Variants in CACNA1C observed in about 807,000 individuals in gnomAD.
The protein encoded by CACNA1C is voltage-dependent L-type calcium channel subunit alpha-1C.
Under a neutral mutation model 229.0 loss-of-function variants are expected in CACNA1C, and 30 were observed. That is an observed-to-expected ratio of 0.13 (90% CI 0.10 to 0.18). The LOEUF (loss-of-function observed/expected upper bound fraction) is 0.18. Among genes scored for constraint, CACNA1C ranks in the 10% least tolerant of loss-of-function variants. The probability of loss-of-function intolerance (pLI) is 1.00; values close to 1 mark genes in which losing one functional copy is unlikely to be tolerated. For missense variants in CACNA1C, 1,658 were observed against 2,845.0 expected (o/e 0.58, Z 9.49); for synonymous variants, 1,114 against 1,132.5 (o/e 0.98, Z 0.33).
At chr12:2,391,443 A>AC (rs1161411802) in intron 3 of CACNA1C, among the ~76,000 whole-genome samples, 1 of 152,208 alleles carries the variant, frequency 6.6e-6, no homozygotes, top group Non-Finnish European at 1.5e-5. Flanking sequence ...AGAAAGGGCA[A>AC]CCACGAAAGG....
intron 32 of CACNA1C, among the ~76,000 whole-genome samples, chr12:2,652,702 G>A (rs1019356026): frequency 2.6e-5 from 4 of 152,226 alleles, no homozygotes; most frequent in African/African-American, 9.6e-5. Flanking sequence ...ACCATCCAAG[G>A]CTCTCGAGGG....
chr12:2,020,362 A>T (rs1305772022), intron 1 of CACNA1C: 2 of 152,200 alleles, frequency 1.3e-5, no homozygotes, highest in Non-Finnish European at 1.5e-5. Flanking sequence ...GGTAGCTGAG[A>T]GAGCTGGTTT....
At chr12:2,619,356 G>A (rs1484531685) in intron 29 of CACNA1C, among the ~76,000 whole-genome samples, 1 of 152,224 alleles carries the variant, frequency 6.6e-6, no homozygotes, top group Admixed American at 6.5e-5. Flanking sequence ...TTTGCGCCCA[G>A]CCCTCTAACT....
At chr12:2,671,455 C>G (rs377055193) in intron 38 of CACNA1C, among the ~76,000 whole-genome samples, 3 of 152,150 alleles carry the variant, frequency 2.0e-5, no homozygotes, top group East Asian at 3.9e-4. Context: ...TTTTTACTTT[C>G]CAAATGTTCT....
rs533711500 is a variant in CACNA1C, at chr12:2,346,363, T to C, written c.478-102613T>C. 5.8e-4 allele frequency among the ~76,000 whole-genome samples: 88 copies of C among 152,184 alleles called. No individual in the cohort carries two copies. The highest frequency in any genetic ancestry group is 9.6e-4 in the Non-Finnish European group (65 of 68,004). ...GTGTGCCTATGTATGTCTCTGTGTT[T>C]GTGTGTTTGTGTGTCTATGTCTGTG... is the stretch of plus-strand genomic sequence containing the variant. On this transcript the variant is annotated intron_variant, in intron 3 of 46. Coordinates refer to ENST00000399655, the MANE Select transcript of CACNA1C (RefSeq NM_000719.7). This position sits in a 1 kb window ranked among gnomAD's most constrained non-coding sequence, Gnocchi z 4.4.
chr12:1,993,484 C>A (rs2039995819), intron 1 of CACNA1C: 1 of 1,494,998 alleles, frequency 6.7e-7, no homozygotes, highest in African/African-American at 1.4e-5. Flanking sequence ...TGTCTCTCAA[C>A]CTTTGTTTGT....
At chr12:2,522,383 G>A (rs949866835) in intron 9 of CACNA1C, among the ~76,000 whole-genome samples, 1 of 152,158 alleles carries the variant, frequency 6.6e-6, no homozygotes, top group Non-Finnish European at 1.5e-5. Context: ...TCGGATCAGA[G>A]AATTAAGGTC....
intron 42 of CACNA1C, 105 bp from the exon 43 acceptor site, chr12:2,682,445 C>G (rs1173947585): frequency 7.5e-7 from 1 of 1,328,252 alleles, no homozygotes; most frequent in African/African-American, 1.4e-5. Flanking sequence ...TGTTTGTGCA[C>G]GTGTGTACAC....
chr12:2,201,966 C>T (rs986370603), intron 3 of CACNA1C, among the ~76,000 whole-genome samples: 2 of 152,204 alleles, frequency 1.3e-5, no homozygotes, highest in African/African-American at 2.4e-5. Context: ...GGGTAGGCAA[C>T]GATTCCAACT....
chr12:1,973,443 T>C (rs1239912528), intron 1 of CACNA1C, among the ~76,000 whole-genome samples: 8 of 152,224 alleles, frequency 5.3e-5, no homozygotes, highest in Admixed American at 5.2e-4. Context: ...TTATACTAAT[T>C]TGGATTAAAT....
chr12:2,627,067 C>T (rs575471621), intron 29 of CACNA1C, among the ~76,000 whole-genome samples: 25 of 152,266 alleles, frequency 1.6e-4, no homozygotes, highest in African/African-American at 5.1e-4. Context: ...CGCCTCCACC[C>T]GCCTGGGGTC....
Position 2,677,267 on chromosome 12 carries a change from T to C in CACNA1C, c.4956+46T>C, listed in dbSNP as rs774221863. 10 of 1,600,034 alleles carry C rather than the reference T, an allele frequency of 6.2e-6. No individual in the cohort carries two copies. In the East Asian group the frequency reaches 2.0e-4, roughly 32 times the overall value. ...CCACACTCCAGGAAGGTCCTGGTCA[T>C]TGCCTCTGACCTCCAGTCAGGGTCC... On this transcript the variant is annotated intron_variant, in intron 40 of 46. Transcript: ENST00000399655. The surrounding 1 kb of genome is among the most constrained non-coding windows in gnomAD (Gnocchi z 7.4).
intron 7 of CACNA1C, among the ~76,000 whole-genome samples, chr12:2,501,695 C>T (rs1449891637): frequency 6.6e-6 from 1 of 152,190 alleles, no homozygotes; most frequent in African/African-American, 2.4e-5. Flanking sequence ...TGTATTGGCT[C>T]GGGTTTGTTT....
At chr12:1,973,656 C>A (rs1042920700) in intron 1 of CACNA1C, among the ~76,000 whole-genome samples, 3 of 152,172 alleles carry the variant, frequency 2.0e-5, no homozygotes, top group Non-Finnish European at 4.4e-5. Context: ...CATATGGAAT[C>A]TTTTTCATCG....
At chr12:2,617,039 A>G (rs568850954) in intron 29 of CACNA1C, among the ~76,000 whole-genome samples, 1 of 152,342 alleles carries the variant, frequency 6.6e-6, no homozygotes, top group East Asian at 1.9e-4. Flanking sequence ...GTCTGCTTTG[A>G]AGCCCCTGTT....
At chr12:2,640,611 G>T (rs1223178728) in intron 30 of CACNA1C, among the ~76,000 whole-genome samples, 1 of 152,208 alleles carries the variant, frequency 6.6e-6, no homozygotes, top group South Asian at 2.1e-4. Context: ...GGAGGAGGGG[G>T]GCCAGAAGGA....
At chr12:2,463,226 A>G (rs973165635) in intron 5 of CACNA1C, among the ~76,000 whole-genome samples, 1 of 152,210 alleles carries the variant, frequency 6.6e-6, no homozygotes, top group African/African-American at 2.4e-5. Context: ...TGCATTTTTT[A>G]AATGCACATA....
At chr12:2,324,939 G>A (rs1192755536) in intron 3 of CACNA1C, among the ~76,000 whole-genome samples, 4 of 152,206 alleles carry the variant, frequency 2.6e-5, no homozygotes, top group Non-Finnish European at 4.4e-5. Context: ...GTTGCCTGGC[G>A]AGGAGTGAAT....
intron 5 of CACNA1C, among the ~76,000 whole-genome samples, chr12:2,466,061 A>C (rs1202115459): frequency 2.6e-5 from 4 of 152,170 alleles, no homozygotes; most frequent in Non-Finnish European, 4.4e-5. Flanking sequence ...CCCGAGATGT[A>C]GTTTTCCTCC....
Sources: gnomAD v4.1 joint callset for allele counts (sites outside exome capture counted in the v4.1 genomes callset) on GRCh38, gnomAD v4.1.1 for gene constraint, Gnocchi (gnomAD v3.1) non-coding constraint, MANE v1.5 for transcripts, NCBI Gene and HGNC (gene_info 2026-07-23, HGNC 2026-07-21) for gene names.